Variants in BMAL1 observed in about 807,000 individuals in gnomAD.
BMAL1 encodes basic helix-loop-helix ARNT like 1, also known as basic helix-loop-helix ARNT-like protein 1.
At chr11:13,335,300 C>T in the BMAL1 span, among the ~76,000 whole-genome samples, 4 of 152,298 alleles carry the variant, frequency 2.6e-5, no homozygotes, top group East Asian at 3.9e-4. Flanking sequence ...CTTCTTCCTC[C>T]GCTGTCTATT....
At chr11:13,359,727 TCTC>T in the BMAL1 span, among the ~76,000 whole-genome samples, 1 of 152,196 alleles carries the variant, frequency 6.6e-6, no homozygotes, top group African/African-American at 2.4e-5. Context: ...AAGTGATTGT[TCTC>T]CTGAAAAATG....
At chr11:13,279,027 T>C in the BMAL1 span, among the ~76,000 whole-genome samples, 4 of 152,142 alleles carry the variant, frequency 2.6e-5, no homozygotes, top group African/African-American at 7.2e-5. Flanking sequence ...CGGCGCCTGC[T>C]GTCAAGTTCT....
At chr11:13,380,340 G>A in the BMAL1 span, 73 of 152,330 alleles carry the variant, frequency 4.8e-4, no homozygotes, top group African/African-American at 1.7e-3. Flanking sequence ...TGGTGGAGGA[G>A]TGGTCTCTGG....
the BMAL1 span, among the ~76,000 whole-genome samples, chr11:13,306,955 C>T: frequency 3.9e-5 from 6 of 152,194 alleles, no homozygotes; most frequent in Non-Finnish European, 1.5e-5. Context: ...ACAATCCCAG[C>T]GAAGGGGGAG....
the BMAL1 span, among the ~76,000 whole-genome samples, chr11:13,311,516 A>C: frequency 1.3e-5 from 2 of 152,350 alleles, no homozygotes; most frequent in East Asian, 3.9e-4. Context: ...GCCAGGTTAC[A>C]TGGAGTTGGA....
the BMAL1 span, among the ~76,000 whole-genome samples, chr11:13,289,687 C>T: frequency 6.6e-6 from 1 of 152,212 alleles, no homozygotes; most frequent in African/African-American, 2.4e-5. Flanking sequence ...CTAGCTTCAT[C>T]CATGTCCCTG....
chr11:13,303,182 C>G, the BMAL1 span, among the ~76,000 whole-genome samples: 1 of 152,186 alleles, frequency 6.6e-6, no homozygotes, highest in Non-Finnish European at 1.5e-5. Flanking sequence ...TAGTACATGG[C>G]AGAGCTGGGC....
the BMAL1 span, among the ~76,000 whole-genome samples, chr11:13,317,230 A>G: frequency 6.6e-6 from 1 of 152,248 alleles, no homozygotes; most frequent in South Asian, 2.1e-4. Context: ...GAGATGGTAT[A>G]TAAGAAAAGT....
the BMAL1 span, chr11:13,375,533 T>C: frequency 8.0e-7 from 1 of 1,249,832 alleles, no homozygotes; most frequent in Middle Eastern, 2.9e-4. Flanking sequence ...CAAGTACCTT[T>C]AATATTTTGT....
chr11:13,298,092 C>G, the BMAL1 span, among the ~76,000 whole-genome samples: 1 of 152,188 alleles, frequency 6.6e-6, no homozygotes, highest in Non-Finnish European at 1.5e-5. Context: ...ACCCCAAGGC[C>G]ATGGTGTATG....
At chr11:13,350,828 C>T in the BMAL1 span, among the ~76,000 whole-genome samples, 1 of 152,014 alleles carries the variant, frequency 6.6e-6, no homozygotes, top group South Asian at 2.1e-4. Flanking sequence ...CTTTTGGTCC[C>T]ACATACAAAT....
At chr11:13,281,350 C>T in the BMAL1 span, among the ~76,000 whole-genome samples, 2 of 152,006 alleles carry the variant, frequency 1.3e-5, no homozygotes, top group Non-Finnish European at 2.9e-5. Context: ...TGCCAGCCTC[C>T]CCCACTCTCC....
the BMAL1 span, chr11:13,375,672 C>A: frequency 6.3e-7 from 1 of 1,598,434 alleles, no homozygotes; most frequent in Non-Finnish European, 8.5e-7. Flanking sequence ...AAAGATGGTT[C>A]TTTTATCACA....
the BMAL1 span, chr11:13,379,278 T>A: frequency 6.6e-6 from 1 of 152,168 alleles, no homozygotes; most frequent in South Asian, 2.1e-4. Context: ...GAGAAGGTGG[T>A]AACCAGATTC....
chr11:13,382,152 T>C, the BMAL1 span, among the ~76,000 whole-genome samples: 1 of 152,072 alleles, frequency 6.6e-6, no homozygotes, highest in Non-Finnish European at 1.5e-5. Flanking sequence ...GGAGAGAGGG[T>C]AAGAGTAGAA....
At chr11:13,333,804 T>C in the BMAL1 span, among the ~76,000 whole-genome samples, 10 of 150,684 alleles carry the variant, frequency 6.6e-5, no homozygotes, top group African/African-American at 2.2e-4. Flanking sequence ...GTGACCTAGT[T>C]CTGCTTTTTG....
At chr11:13,371,797 GCCTGTGTA>G in the BMAL1 span, among the ~76,000 whole-genome samples, 1 of 152,124 alleles carries the variant, frequency 6.6e-6, no homozygotes, top group Admixed American at 6.5e-5. Flanking sequence ...GTGCCTCTGT[GCCTGTGTA>G]CGTCATCAGC....
the BMAL1 span, chr11:13,376,896 T>C: frequency 1.6e-6 from 1 of 609,450 alleles, no homozygotes; most frequent in Non-Finnish European, 2.8e-6. Context: ...GACACTGTCA[T>C]GTCACTTTCT....
the BMAL1 span, chr11:13,376,423 C>T: frequency 1.7e-6 from 1 of 586,178 alleles, no homozygotes; most frequent in Non-Finnish European, 3.1e-6. Flanking sequence ...CTGTGTCCCA[C>T]ACATATTAGG....
Sources: allele counts gnomAD v4.1 joint callset (sites outside exome capture counted in the v4.1 genomes callset), GRCh38; gene constraint gnomAD v4.1.1; transcripts MANE v1.5; gene names NCBI Gene and HGNC (gene_info 2026-07-23, HGNC 2026-07-21).